The following ADRA1B variants were observed in gnomAD, a reference collection of about 807,000 sequenced individuals.
ADRA1B encodes the protein alpha-1B adrenergic receptor.
A neutral mutation model predicts 17.9 loss-of-function variants in ADRA1B; 17 were observed. The ratio of observed to expected loss-of-function variants is 0.95; its 90% CI spans 0.65 to 1.42. The LOEUF (loss-of-function observed/expected upper bound fraction) is 1.42, where lower values mean the gene tolerates loss of function less well. Among genes scored for constraint, ADRA1B ranks in the 40% most tolerant of loss-of-function variants. ADRA1B has a pLI of 0.00. For synonymous variants in ADRA1B, 366 were observed against 327.6 expected (o/e 1.12, Z -1.27); for missense variants, 681 against 722.1 (o/e 0.94, Z 0.65).
chr5:159,897,122 C>A (rs1361948586), intron 1 of ADRA1B, among the ~76,000 whole-genome samples: 2 of 152,188 alleles, frequency 1.3e-5, no homozygotes, highest in African/African-American at 4.8e-5. Context: ...GAGGAAAATG[C>A]AGCTTTTTAA....
At chr5:159,980,140 C>G in the ADRA1B span, among the ~76,000 whole-genome samples, 1 of 151,878 alleles carries the variant, frequency 6.6e-6, no homozygotes, top group Non-Finnish European at 1.5e-5. Flanking sequence ...GGTTAGGGGG[C>G]CCTGACAACT....
intron 1 of ADRA1B, among the ~76,000 whole-genome samples, chr5:159,968,274 G>T (rs1245381741): frequency 6.6e-6 from 1 of 152,176 alleles, no homozygotes; most frequent in African/African-American, 2.4e-5. Context: ...TAAGCTAGTG[G>T]TGTGAAGAGT....
chr5:159,895,298 A>C (rs1363720213), intron 1 of ADRA1B, among the ~76,000 whole-genome samples: 1 of 152,168 alleles, frequency 6.6e-6, no homozygotes, highest in Admixed American at 6.5e-5. Flanking sequence ...TGGAATCTTC[A>C]CCTTCCAAGG....
At chr5:159,960,473 A>G (rs948930087) in intron 1 of ADRA1B, among the ~76,000 whole-genome samples, 2 of 152,364 alleles carry the variant, frequency 1.3e-5, no homozygotes, top group Non-Finnish European at 2.9e-5. Flanking sequence ...CAAGATACAC[A>G]CAAAAATAGT....
chr5:159,867,334 A>G (rs1753670677), intron 1 of ADRA1B, among the ~76,000 whole-genome samples: 2 of 152,100 alleles, frequency 1.3e-5, no homozygotes, highest in African/African-American at 2.4e-5. Flanking sequence ...TGCTTTCTCT[A>G]TCTTCCATGA....
At chr5:159,931,381 A>T (rs1190902777) in intron 1 of ADRA1B, among the ~76,000 whole-genome samples, 1 of 148,944 alleles carries the variant, frequency 6.7e-6, no homozygotes, top group African/African-American at 2.5e-5. Context: ...GCAACAGAGT[A>T]AGACCCTATC....
At chr5:159,909,194 T>G (rs1754198529) in intron 1 of ADRA1B, among the ~76,000 whole-genome samples, 1 of 152,138 alleles carries the variant, frequency 6.6e-6, no homozygotes, top group South Asian at 2.1e-4. Context: ...CCCTTCACTA[T>G]GCTCCCCGTT....
chr5:159,976,494 C>G (rs1033755172), downstream of ADRA1B, among the ~76,000 whole-genome samples: 1 of 151,892 alleles, frequency 6.6e-6, no homozygotes, highest in Non-Finnish European at 1.5e-5. Context: ...ATGTGAAACC[C>G]TGTCTCTACT....
At chr5:159,949,956 C>T (rs775162307) in intron 1 of ADRA1B, among the ~76,000 whole-genome samples, 11 of 152,220 alleles carry the variant, frequency 7.2e-5, no homozygotes, top group Non-Finnish European at 1.3e-4. Flanking sequence ...ACCCACTCCC[C>T]TCCTGTCACA....
chr5:159,867,564 T>C (rs1025647484), intron 1 of ADRA1B, among the ~76,000 whole-genome samples: 1 of 152,164 alleles, frequency 6.6e-6, no homozygotes, highest in African/African-American at 2.4e-5. Flanking sequence ...CAGCTATACT[T>C]GCTGTAAGTA....
At chr5:159,948,390 G>A in intron 1 of ADRA1B, 1 of 985,320 alleles carries the variant, frequency 1.0e-6, no homozygotes, top group Non-Finnish European at 1.2e-6. Context: ...ATGAAGAAAG[G>A]AACCTTCACA....
chr5:159,896,296 A>G (rs1477026902), intron 1 of ADRA1B, among the ~76,000 whole-genome samples: 2 of 152,236 alleles, frequency 1.3e-5, no homozygotes, highest in Non-Finnish European at 2.9e-5. Context: ...GTAAAGGAAG[A>G]AGTTACTCAA....
intron 1 of ADRA1B, among the ~76,000 whole-genome samples, chr5:159,908,904 T>C (rs1754195109): frequency 6.6e-6 from 1 of 152,166 alleles, no homozygotes; most frequent in Non-Finnish European, 1.5e-5. Flanking sequence ...TCACACCTCA[T>C]AGCTAATTGC....
rs1294034467 is a variant in ADRA1B at position 159,971,603 on chromosome 5, G to A, written c.950-276G>A. Among the ~76,000 whole-genome samples the A allele has an allele frequency of 7.2e-5, 11 of 152,180 alleles. No homozygotes were observed. In the East Asian group the frequency reaches 2.1e-3, roughly 29 times the overall value. ...ATTGAAGGTGGCAAGTGCTGCCAGA[G>A]GAAACTATAGGAGCTTAGATGCTGT... On this transcript the variant is annotated intron_variant, in intron 1 of 1. Transcript: ENST00000306675.
chr5:159,889,722 C>G (rs1753961981), intron 1 of ADRA1B, among the ~76,000 whole-genome samples: 1 of 152,206 alleles, frequency 6.6e-6, no homozygotes, highest in African/African-American at 2.4e-5. Flanking sequence ...TAAACAGGTT[C>G]TGTCATGTGA....
At position 159,972,076 on chromosome 5, in the gene ADRA1B, G is replaced by C. The variant is rs1462806585; in HGVS notation, c.1147G>C (p.Gly383Arg). 7.7e-7 allele frequency: 1 copy of C among 1,298,422 alleles called. No homozygotes were observed. Among genetic ancestry groups the C allele is most frequent in the Admixed American group, 4.2e-5 (1 of 23,806 alleles). The allele number at this position is 1,298,422 out of a possible 1,614,324, so 80.4% of individuals were successfully genotyped here. A position where few individuals can be genotyped will look rare whatever the true frequency, so the allele number is the denominator to read the frequency against. Residue 383 changes from glycine (G) to arginine (R), a missense_variant, in exon 2 of 2, where the codon GGC becomes CGC. This residue lies in a region of ADRA1B where 251 missense variants were observed against 224.9 expected (regional missense o/e 1.12). Coordinates refer to ENST00000306675, the MANE Select transcript of ADRA1B (RefSeq NM_000679.4). Reference protein sequence around the residue: ...RRRRRRRRLGGCAYTYRPWTR... With the variant: ...RRRRRRRRLGRCAYTYRPWTR... ...ACGCCGCCGCCGCCGTCGCCTGGGCGGCTGCGCCTACACCTACCGGCCGTG... is the reference window on the plus strand; with the variant it reads ...ACGCCGCCGCCGCCGTCGCCTGGGCCGCTGCGCCTACACCTACCGGCCGTG...
At chr5:159,935,736 AG>A (rs752922007) in intron 1 of ADRA1B, among the ~76,000 whole-genome samples, 21 of 152,186 alleles carry the variant, frequency 1.4e-4, no homozygotes, top group African/African-American at 4.6e-4. Context: ...TAGTAGAGAC[AG>A]GGTTTCGCCA....
chr5:159,900,666 G>T (rs115143675), intron 1 of ADRA1B, among the ~76,000 whole-genome samples: 2 of 152,228 alleles, frequency 1.3e-5, no homozygotes, highest in African/African-American at 2.4e-5. Flanking sequence ...GCAAAGGGGA[G>T]CAATGTCCTC....
intron 1 of ADRA1B, among the ~76,000 whole-genome samples, chr5:159,963,666 C>T (rs984296670): frequency 2.6e-5 from 4 of 152,286 alleles, no homozygotes; most frequent in South Asian, 4.1e-4. Context: ...AGAGTCAGAG[C>T]TTGTTAAATG....
Sources: gnomAD v4.1 joint callset for allele counts (sites outside exome capture counted in the v4.1 genomes callset) on GRCh38, gnomAD v4.1.1 for gene constraint, gnomAD v4.1.1 regional missense constraint, MANE v1.5 for transcripts, NCBI Gene and HGNC (gene_info 2026-07-23, HGNC 2026-07-21) for gene names.